PTPRD: variants seen among roughly 807,000 people sequenced by gnomAD.
The protein encoded by PTPRD is protein tyrosine phosphatase receptor type D.
A neutral mutation model predicts 214.5 loss-of-function variants in PTPRD; 34 were observed. The ratio of observed to expected loss-of-function variants is 0.16; its 90% CI spans 0.12 to 0.21. PTPRD has a LOEUF of 0.21. PTPRD is among the 10% of genes least tolerant of loss of function. The pLI is 1.00. For synonymous variants in PTPRD, 1,128 were observed against 845.7 expected, an observed-to-expected ratio of 1.33 and a Z score of -5.79; for missense variants, 2,545 against 2,398.7, an observed-to-expected ratio of 1.06 and a Z score of -1.27.
intron 11 of PTPRD, chr9:8,862,105 C>G (rs901570768): frequency 6.6e-6 from 1 of 152,228 alleles, no homozygotes; most frequent in South Asian, 2.1e-4. Context: ...ACCTGTAATC[C>G]CAGCACTTTT....
intron 5 of PTPRD, among the ~76,000 whole-genome samples, chr9:9,907,919 G>A (rs1400254498): frequency 6.6e-6 from 1 of 151,954 alleles, no homozygotes; most frequent in Non-Finnish European, 1.5e-5. Context: ...GAAAACAGGT[G>A]TAACAACTCA....
At chr9:9,134,485 G>A (rs2099847925) in intron 10 of PTPRD, among the ~76,000 whole-genome samples, 2 of 152,134 alleles carry the variant, frequency 1.3e-5, no homozygotes, top group African/African-American at 2.4e-5. Flanking sequence ...CTGGAATACA[G>A]CAGTAGCCTC....
intron 10 of PTPRD, among the ~76,000 whole-genome samples, chr9:9,109,206 T>G (rs1382816381): frequency 6.6e-6 from 1 of 152,196 alleles, no homozygotes; most frequent in African/African-American, 2.4e-5. Flanking sequence ...TCTCAACTTT[T>G]AAACCTTGCT....
At chr9:8,333,019 G>C (rs1401016112) in intron 43 of PTPRD, among the ~76,000 whole-genome samples, 6 of 150,828 alleles carry the variant, frequency 4.0e-5, no homozygotes, top group Non-Finnish European at 7.4e-5. Flanking sequence ...GAGGATCTCA[G>C]TGTGAGATGA....
At chr9:8,731,530 T>A (rs2098659081) in intron 12 of PTPRD, among the ~76,000 whole-genome samples, 1 of 152,236 alleles carries the variant, frequency 6.6e-6, no homozygotes, top group Admixed American at 6.5e-5. Flanking sequence ...TTCTGTAGTG[T>A]TACTTATAAC....
In PTPRD at chr9:9,643,231, T is replaced by TA. The variant is rs2096028355; in HGVS notation, c.-286-68451dup. ...TGTATGACAGAAGTCTGGAGATTTT[T>TA]ATACAGGGACATCATACAATGAGGC... On this transcript the variant is annotated intron_variant, in intron 7 of 45. Coordinates refer to ENST00000381196, the MANE Select transcript of PTPRD (RefSeq NM_002839.4). Among the ~76,000 whole-genome samples the TA allele has an allele frequency of 3.3e-5, 5 of 152,318 alleles. 1 individual carries two copies. In the South Asian group the frequency reaches 1.0e-3, roughly 32 times the overall value.
At chr9:8,783,027 T>A (rs1353971981) in intron 11 of PTPRD, among the ~76,000 whole-genome samples, 1 of 152,188 alleles carries the variant, frequency 6.6e-6, no homozygotes, top group Non-Finnish European at 1.5e-5. Flanking sequence ...AACTAAATCT[T>A]ACCCATTCCT....
chr9:8,986,535 A>G (rs1285196535), intron 11 of PTPRD, among the ~76,000 whole-genome samples: 1 of 151,854 alleles, frequency 6.6e-6, no homozygotes, highest in African/African-American at 2.4e-5. Context: ...GTTTATCATA[A>G]AAATCTACTT....
intron 9 of PTPRD, among the ~76,000 whole-genome samples, chr9:9,195,086 G>GTGTGTATATATATATATATA (rs1554959656): frequency 7.6e-6 from 1 of 131,172 alleles, no homozygotes; most frequent in Non-Finnish European, 1.6e-5. Context: ...GTGTGTTTGT[G>GTGTGTATATATATATATATA]TATATATATA....
chr9:9,668,012 G>T (rs1421447335), intron 7 of PTPRD, among the ~76,000 whole-genome samples: 1 of 152,100 alleles, frequency 6.6e-6, no homozygotes, highest in Admixed American at 6.6e-5. Context: ...AAAATGGACA[G>T]ATTATCATCC....
At chr9:10,543,479 TACACACACAC>T (rs567757732) in intron 2 of PTPRD, among the ~76,000 whole-genome samples, 6 of 145,082 alleles carry the variant, frequency 4.1e-5, no homozygotes, top group Non-Finnish European at 7.5e-5. Flanking sequence ...TATATATATA[TACACACACAC>T]ACACACACAC....
At chr9:8,766,646 A>G (rs1041127804) in intron 11 of PTPRD, among the ~76,000 whole-genome samples, 1 of 152,192 alleles carries the variant, frequency 6.6e-6, no homozygotes, top group Non-Finnish European at 1.5e-5. Context: ...CACTTCTTAC[A>G]ATTTTCACTT....
chr9:8,925,451 C>T (rs551096975), intron 11 of PTPRD, among the ~76,000 whole-genome samples: 1 of 152,086 alleles, frequency 6.6e-6, no homozygotes, highest in South Asian at 2.1e-4. Flanking sequence ...AAACATAAGA[C>T]ACAGCTGTGT....
chr9:9,912,835 A>G (rs917689947), intron 5 of PTPRD, among the ~76,000 whole-genome samples: 3 of 152,172 alleles, frequency 2.0e-5, no homozygotes, highest in African/African-American at 7.2e-5. Context: ...ATATTGCAAG[A>G]GTTTTTATAT....
At position 9,237,650 on chromosome 9, in the gene PTPRD, G is replaced by T. The variant is rs145271775; in HGVS notation, c.-202-54287C>A. On this transcript the variant is annotated intron_variant, in intron 9 of 45. Coordinates refer to ENST00000381196, the MANE Select transcript of PTPRD (RefSeq NM_002839.4). Reference sequence around the variant, plus strand: ...GATTTGCAATAATTTTTTTTTAAGAGCTCCATGGTCCAAAGCTGACTTAAT... The same window carrying T: ...GATTTGCAATAATTTTTTTTTAAGATCTCCATGGTCCAAAGCTGACTTAAT... Among the ~76,000 whole-genome samples the T allele has an allele frequency of 1.6e-4, 25 of 152,114 alleles. 1 individual carries two copies. The East Asian group carries it at 4.8e-3, about 29-fold the overall frequency.
intron 43 of PTPRD, among the ~76,000 whole-genome samples, chr9:8,332,422 C>G (rs980071196): frequency 6.6e-6 from 1 of 152,078 alleles, no homozygotes; most frequent in Non-Finnish European, 1.5e-5. Context: ...AGTAAAGCAT[C>G]CCTCAAGGAT....
At chr9:8,748,935 T>C (rs2093210519) in intron 11 of PTPRD, among the ~76,000 whole-genome samples, 1 of 152,178 alleles carries the variant, frequency 6.6e-6, no homozygotes, top group Non-Finnish European at 1.5e-5. Flanking sequence ...CATCATTTTC[T>C]AACTTGCACT....
chr9:10,206,647 A>C (rs2099482908), intron 3 of PTPRD, among the ~76,000 whole-genome samples: 1 of 152,176 alleles, frequency 6.6e-6, no homozygotes, highest in African/African-American at 2.4e-5. Context: ...ACAAGGAAAA[A>C]GTTTTGTAAA....
intron 4 of PTPRD, among the ~76,000 whole-genome samples, chr9:9,941,260 T>C (rs995361550): frequency 6.6e-6 from 1 of 152,164 alleles, no homozygotes; most frequent in Non-Finnish European, 1.5e-5. Flanking sequence ...CTGACAGATT[T>C]GTATGCTCAA....
Sources: gnomAD v4.1 joint callset for allele counts (sites outside exome capture counted in the v4.1 genomes callset) on GRCh38, gnomAD v4.1.1 for gene constraint, MANE v1.5 for transcripts, NCBI Gene and HGNC (gene_info 2026-07-23, HGNC 2026-07-21) for gene names.